Variants in SCP2 observed in about 807,000 individuals in gnomAD.
SCP2 encodes the protein sterol carrier protein 2, also known as SCP-2/3-oxoacyl-CoA thiolase.
Under a neutral mutation model 71.4 loss-of-function variants are expected in SCP2, and 48 were observed. The ratio of observed to expected loss-of-function variants is 0.67; its 90% confidence interval spans 0.53 to 0.86. SCP2 has a LOEUF of 0.86. SCP2 is among the 40% of genes least tolerant of loss of function. The pLI is 0.00. For synonymous variants in SCP2, 220 were observed against 218.1 expected (o/e 1.01, Z -0.08); for missense variants, 560 against 655.6 (o/e 0.85, Z 1.59).
chr1:52,962,650 T>C (rs1298622167), intron 6 of SCP2, among the ~76,000 whole-genome samples: 1 of 152,044 alleles, frequency 6.6e-6, no homozygotes, highest in Non-Finnish European at 1.5e-5. Flanking sequence ...CACTATCCTT[T>C]CTTTCTGTTC....
chr1:53,002,101 G>A (rs561392769), intron 11 of SCP2, among the ~76,000 whole-genome samples: 4 of 151,724 alleles, frequency 2.6e-5, no homozygotes, highest in South Asian at 2.1e-4. Flanking sequence ...GGAGAATGGC[G>A]TGAGCCTGGG....
intron 14 of SCP2, among the ~76,000 whole-genome samples, chr1:53,043,905 A>G (rs894898167): frequency 2.0e-5 from 3 of 152,138 alleles, no homozygotes; most frequent in Non-Finnish European, 2.9e-5. Context: ...GAGTATTAAG[A>G]GAAGATTTTC....
At position 52,927,352 on chromosome 1, in the gene SCP2, G is replaced by T; in HGVS notation, c.-45G>T. The stretch of plus-strand genomic sequence containing the variant: ...GGTGCAGTCTCCGCCTGTCAGTGCC[G>T]GCAGTCGTCCGCGGCGCCCGCCCCG... On this transcript the variant is annotated 5_prime_UTR_variant, in exon 1 of 16. Transcript: ENST00000371514. The T allele has an allele frequency of 1.3e-6, 2 of 1,503,718 alleles. No individual in the cohort carries two copies. The highest frequency in any genetic ancestry group is 1.8e-6 in the Non-Finnish European group (2 of 1,104,294). 93.1% of individuals were successfully genotyped at this position (1,503,718 alleles called of 1,614,324 possible).
intron 11 of SCP2, chr1:52,993,271 C>G (rs1333443633): frequency 1.2e-6 from 2 of 1,614,034 alleles, no homozygotes; most frequent in East Asian, 4.5e-5. Context: ...GACATTCCTG[C>G]TCTTGAAATT....
intron 12 of SCP2, 115 bp downstream of exon 12, chr1:53,015,158 T>C (rs1461824846): frequency 2.0e-6 from 2 of 1,015,518 alleles, no homozygotes; most frequent in East Asian, 5.0e-5. Flanking sequence ...AGGAAAAGTA[T>C]CTCATTACAT....
rs977986226 is a variant in SCP2 at position 53,051,462 on chromosome 1, C to A, written c.*758C>A. 2.7e-4 allele frequency: 41 copies of A among 152,058 alleles called. No homozygotes were observed. Among genetic ancestry groups the A allele is most frequent in the African/African-American group, 9.9e-4 (41 of 41,420 alleles). The allele number at this position is 152,058 out of a possible 1,614,324, so 9.4% of individuals were successfully genotyped here. A position where few individuals can be genotyped will look rare whatever the true frequency, so the allele number is the denominator to read the frequency against. ...GTTCTCAGTCCTTTGTTATAATTTT[C>A]CTTTTTCATGTAAGTTTAATTATCT... On this transcript the variant is annotated 3_prime_UTR_variant, in exon 16 of 16. Transcript: ENST00000371514.
intron 6 of SCP2, among the ~76,000 whole-genome samples, chr1:52,973,345 CTT>C (rs35488175): frequency 6.8e-5 from 10 of 146,522 alleles, no homozygotes; most frequent in African/African-American, 7.5e-5. Flanking sequence ...GAAGAACCCT[CTT>C]TTTTTTTTTT....
At chr1:52,994,579 C>T (rs1424679436) in intron 11 of SCP2, 1 of 309,752 alleles carries the variant, frequency 3.2e-6, no homozygotes, top group Non-Finnish European at 6.3e-6. Context: ...TCAGAACCTT[C>T]CTGCTGCCAC....
At chr1:53,009,745 A>G (rs1660866577) in intron 11 of SCP2, among the ~76,000 whole-genome samples, 1 of 152,238 alleles carries the variant, frequency 6.6e-6, no homozygotes, top group Non-Finnish European at 1.5e-5. Flanking sequence ...AAACACCAAA[A>G]GCAATGGCAA....
At chr1:52,983,187 C>A (rs12063834) in intron 10 of SCP2, among the ~76,000 whole-genome samples, 5,590 of 152,252 alleles carry the variant, frequency 0.037, 313 homozygotes, top group African/African-American at 0.13. Context: ...TAGTTTCTAA[C>A]GAGGAGTCAT....
At chr1:53,003,970 C>A (rs565019638) in intron 11 of SCP2, among the ~76,000 whole-genome samples, 1 of 152,154 alleles carries the variant, frequency 6.6e-6, no homozygotes, top group South Asian at 2.1e-4. Flanking sequence ...ACATCTGAAT[C>A]GCCACTTCAC....
chr1:52,969,800 G>A (rs528895892), intron 6 of SCP2, among the ~76,000 whole-genome samples: 3 of 149,286 alleles, frequency 2.0e-5, no homozygotes, highest in East Asian at 2.0e-4. Context: ...CAGCCCGGGC[G>A]GCAGAGCTAG....
chr1:53,040,136 G>A (rs1406167714), intron 14 of SCP2, among the ~76,000 whole-genome samples: 1 of 152,010 alleles, frequency 6.6e-6, no homozygotes. Context: ...TGTTTTATCC[G>A]GTCTCCCCGA....
intron 11 of SCP2, among the ~76,000 whole-genome samples, chr1:52,997,625 C>T (rs1461014982): frequency 6.6e-6 from 1 of 152,058 alleles, no homozygotes; most frequent in Non-Finnish European, 1.5e-5. Flanking sequence ...TTGCTTAGGA[C>T]TAGGGAACAC....
intron 15 of SCP2, chr1:53,050,354 T>G: frequency 2.3e-6 from 1 of 433,968 alleles, no homozygotes; most frequent in Non-Finnish European, 4.3e-6. Context: ...GGAGGACAGG[T>G]GAAAACAGGC....
In SCP2 at chr1:52,974,853, A is replaced by C. The variant is rs1209058304; in HGVS notation, c.587+21A>C. ...AACCCGTAAGTATTTCAGAGACATG[A>C]AATAATGAAAATCTGGGTTATCCTA... On this transcript the variant is annotated intron_variant, in intron 7 of 15. Coordinates refer to ENST00000371514, the MANE Select transcript of SCP2 (RefSeq NM_002979.5). 4 of 1,183,726 alleles carry C rather than the reference A, an allele frequency of 3.4e-6. No homozygotes were observed. In the South Asian group the frequency reaches 4.9e-5, roughly 14 times the overall value. 73.3% of individuals were successfully genotyped at this position (1,183,726 alleles called of 1,614,324 possible). A position where few individuals can be genotyped will look rare whatever the true frequency, so the allele number is the denominator to read the frequency against.
At chr1:52,936,012 T>A (rs560104989) in intron 1 of SCP2, among the ~76,000 whole-genome samples, 1 of 152,222 alleles carries the variant, frequency 6.6e-6, no homozygotes, top group East Asian at 1.9e-4. Flanking sequence ...GGTCACATGA[T>A]GTACTTCATA....
At chr1:52,966,963 G>A (rs928800017) in intron 6 of SCP2, among the ~76,000 whole-genome samples, 1 of 151,998 alleles carries the variant, frequency 6.6e-6, no homozygotes, top group Non-Finnish European at 1.5e-5. Context: ...TAAGGTGGAC[G>A]GATTACCTGA....
intron 12 of SCP2, among the ~76,000 whole-genome samples, chr1:53,021,471 C>A (rs1661721892): frequency 6.6e-6 from 1 of 151,650 alleles, no homozygotes; most frequent in African/African-American, 2.4e-5. Context: ...CACGCACCAC[C>A]AGGCCTAGCT....
Sources: gnomAD v4.1 joint callset for allele counts (sites outside exome capture counted in the v4.1 genomes callset) on GRCh38, gnomAD v4.1.1 for gene constraint, MANE v1.5 for transcripts, NCBI Gene and HGNC (gene_info 2026-07-23, HGNC 2026-07-21) for gene names.